CNIH3: variants seen among roughly 807,000 people sequenced by gnomAD.
CNIH3 encodes cornichon family AMPA receptor auxiliary protein 3.
A neutral mutation model predicts 24.1 loss-of-function variants in CNIH3; 14 were observed. The observed-to-expected ratio is 0.58, with a 90% CI of 0.38 to 0.91. The LOEUF (loss-of-function observed/expected upper bound fraction) is 0.91, where lower values mean the gene tolerates loss of function less well. Among genes scored for constraint, CNIH3 ranks in the 40% least tolerant of loss-of-function variants. The pLI is 0.00. For synonymous variants in CNIH3, 68 were observed against 73.8 expected (o/e 0.92, Z 0.40); for missense variants, 178 against 196.8 (o/e 0.90, Z 0.57).
Position 224,459,408 on chromosome 1 carries a change from G to A in CNIH3, n.203+24546G>A, listed in dbSNP as rs541401620. Among the ~76,000 whole-genome samples the A allele has an allele frequency of 2.3e-4, 35 of 152,174 alleles. 1 individual carries two copies. In the South Asian group the frequency reaches 6.2e-3, roughly 27 times the overall value. On this transcript the variant is annotated intron_variant and non_coding_transcript_variant, in intron 1 of 5. Transcript: ENST00000471578. ...GCCAAACCTCATTATAACAGATAAC[G>A]TGACCCTCAGCGATATCCCAAGTAT...
At chr1:224,693,572 C>T (rs1261357245) in intron 3 of CNIH3, among the ~76,000 whole-genome samples, 1 of 152,112 alleles carries the variant, frequency 6.6e-6, no homozygotes, top group Non-Finnish European at 1.5e-5. Context: ...CACATCTCAT[C>T]CTCCAGCGAC....
chr1:224,459,879 C>G (rs1675834840), intron 1 of CNIH3, among the ~76,000 whole-genome samples: 1 of 74,788 alleles, frequency 1.3e-5, no homozygotes, highest in Non-Finnish European at 2.4e-5. Flanking sequence ...CATGGAACCC[C>G]TATTTTTTTT....
At chr1:224,722,884 A>C (rs976255089) in intron 3 of CNIH3, among the ~76,000 whole-genome samples, 5 of 152,166 alleles carry the variant, frequency 3.3e-5, no homozygotes, top group Non-Finnish European at 5.9e-5. Context: ...AGACCTGTGA[A>C]TTCCGATGGA....
intron 2 of CNIH3, among the ~76,000 whole-genome samples, chr1:224,527,700 C>T (rs1038057106): frequency 1.3e-5 from 2 of 152,002 alleles, no homozygotes; most frequent in Non-Finnish European, 2.9e-5. Context: ...AAACAGGACT[C>T]ATATATAGAG....
intron 3 of CNIH3, among the ~76,000 whole-genome samples, chr1:224,602,979 A>T (rs1416103916): frequency 6.6e-6 from 1 of 152,130 alleles, no homozygotes; most frequent in African/African-American, 2.4e-5. Context: ...GTCTGTGGGG[A>T]AAAAAAGCAA....
downstream of CNIH3, among the ~76,000 whole-genome samples, chr1:224,592,327 C>T (rs1441747458): frequency 6.6e-6 from 1 of 152,068 alleles, no homozygotes; most frequent in Admixed American, 6.6e-5. Context: ...GAGAGCAGAA[C>T]TCAGTGAGCA....
At chr1:224,668,530 G>GAAGATACTTTGGGGAGC (rs1240633791) in intron 1 of CNIH3, among the ~76,000 whole-genome samples, 1 of 152,138 alleles carries the variant, frequency 6.6e-6, no homozygotes, top group Non-Finnish European at 1.5e-5. Context: ...GATCTTCTTG[G>GAAGATACTTTGGGGAGC]AAGATACTTT....
intron 1 of CNIH3, among the ~76,000 whole-genome samples, chr1:224,644,986 AT>A (rs1181458034): frequency 1.3e-5 from 2 of 152,268 alleles, no homozygotes; most frequent in Admixed American, 6.5e-5. Context: ...CTGTGGAAGC[AT>A]TTCACACCCT....
rs1221653954 is a variant in CNIH3, at chr1:224,458,771, G to T, written n.203+23909G>T. Among the ~76,000 whole-genome samples, 1 of 152,204 alleles carries T rather than the reference G, an allele frequency of 6.6e-6. No individual in the cohort carries two copies. The highest frequency in any genetic ancestry group is 1.5e-5 in the Non-Finnish European group (1 of 68,034). ...CCATGGGTATCAGACACACTGGGTAGCTGAGTGCTCAGAGGAAGATGCGAG... is the reference window on the plus strand; with the variant it reads ...CCATGGGTATCAGACACACTGGGTATCTGAGTGCTCAGAGGAAGATGCGAG... On this transcript the variant is annotated intron_variant and non_coding_transcript_variant, in intron 1 of 5. Coordinates refer to the CNIH3 transcript ENST00000471578. This position sits in a 1 kb window ranked among gnomAD's most constrained non-coding sequence, Gnocchi z 4.3.
intron 1 of CNIH3, among the ~76,000 whole-genome samples, chr1:224,456,150 T>C (rs1467567950): frequency 6.6e-6 from 1 of 152,192 alleles, no homozygotes; most frequent in Non-Finnish European, 1.5e-5. Context: ...TCAAGTAGGA[T>C]TGAAACATGC....
upstream of CNIH3, among the ~76,000 whole-genome samples, chr1:224,512,094 G>C (rs575076243): frequency 1.3e-5 from 2 of 151,924 alleles, no homozygotes; most frequent in Non-Finnish European, 2.9e-5. Flanking sequence ...AGAATCGCTT[G>C]AACCCTGGAG....
intron 1 of CNIH3, among the ~76,000 whole-genome samples, chr1:224,457,576 C>T (rs1180144296): frequency 3.6e-5 from 5 of 139,060 alleles, no homozygotes; most frequent in African/African-American, 8.4e-5. Context: ...ACTAAGTAGA[C>T]GAAATATTGG....
At chr1:224,617,410 C>T (rs1532557) in intron 1 of CNIH3, among the ~76,000 whole-genome samples, 155 bp downstream of exon 1, 41,347 of 152,190 alleles carry the variant, frequency 0.27, 5,864 homozygotes, top group Admixed American at 0.36. Context: ...TTCGCTGCAT[C>T]CCGCCGGGCG....
chr1:224,583,910 T>C (rs1681382561), intron 5 of CNIH3, among the ~76,000 whole-genome samples: 1 of 152,220 alleles, frequency 6.6e-6, no homozygotes, highest in African/African-American at 2.4e-5. Flanking sequence ...AAGACATGAA[T>C]TGATATTAGA....
At chr1:224,708,956 GA>G (rs1414498021) in intron 3 of CNIH3, among the ~76,000 whole-genome samples, 1 of 152,058 alleles carries the variant, frequency 6.6e-6, no homozygotes, top group Admixed American at 6.5e-5. Context: ...AGCTGCTTTT[GA>G]AAAAAACAAA....
chr1:224,441,797 T>A (rs11807763), intron 1 of CNIH3, among the ~76,000 whole-genome samples: 43,202 of 152,030 alleles, frequency 0.28, 7,653 homozygotes, highest in African/African-American at 0.49. Context: ...TGTTATTTTT[T>A]AAAATTATGC....
intron 1 of CNIH3, among the ~76,000 whole-genome samples, chr1:224,627,279 T>G (rs1192989991): frequency 6.6e-6 from 1 of 152,020 alleles, no homozygotes; most frequent in Admixed American, 6.6e-5. Context: ...CAGGCTGGAG[T>G]GCAGTGATGT....
chr1:224,668,914 G>T (rs575447530), intron 1 of CNIH3, among the ~76,000 whole-genome samples: 1 of 151,776 alleles, frequency 6.6e-6, no homozygotes, highest in Admixed American at 6.5e-5. Flanking sequence ...TAGGGGGCTG[G>T]TGGAGCGGGG....
intron 4 of CNIH3, among the ~76,000 whole-genome samples, chr1:224,582,422 G>GT (rs547695913): frequency 1.3e-4 from 20 of 149,250 alleles, no homozygotes; most frequent in East Asian, 3.9e-4. Context: ...ACAGAGCACG[G>GT]TTTTTTTTTT....
Sources: gnomAD v4.1 joint callset for allele counts (sites outside exome capture counted in the v4.1 genomes callset) on GRCh38, gnomAD v4.1.1 for gene constraint, Gnocchi (gnomAD v3.1) non-coding constraint, MANE v1.5 for transcripts, NCBI Gene and HGNC (gene_info 2026-07-23, HGNC 2026-07-21) for gene names.